The following TMEM178B variants were observed in gnomAD, a reference collection of about 807,000 sequenced individuals.
The protein encoded by TMEM178B is transmembrane protein 178B.
In TMEM178B, 5 loss-of-function variants were observed where a neutral mutation model predicts 31.0. The observed-to-expected ratio is 0.16, with a 90% CI of 0.08 to 0.34. The LOEUF (loss-of-function observed/expected upper bound fraction) is 0.34. TMEM178B is among the 10% of genes least tolerant of loss of function. The pLI, the probability that TMEM178B is intolerant of heterozygous loss-of-function variation, is 1.00. For missense variants in TMEM178B, 275 were observed against 400.3 expected (o/e 0.69, Z 2.67); for synonymous variants, 164 against 164.0 (o/e 1.00, Z 0.00).
At chr7:141,500,371 A>C in the TMEM178B span, among the ~76,000 whole-genome samples, 1 of 152,188 alleles carries the variant, frequency 6.6e-6, no homozygotes, top group African/African-American at 2.4e-5. Flanking sequence ...TTTGATTGAG[A>C]GGCTCAGGAA....
intron 2 of TMEM178B, among the ~76,000 whole-genome samples, chr7:141,436,798 A>G (rs1209471326): frequency 6.6e-6 from 1 of 152,120 alleles, no homozygotes; most frequent in African/African-American, 2.4e-5. Flanking sequence ...CCTTCTGCTA[A>G]AAATACTGCC....
the TMEM178B span, among the ~76,000 whole-genome samples, chr7:141,504,067 G>T: frequency 6.6e-6 from 1 of 152,160 alleles, no homozygotes; most frequent in Non-Finnish European, 1.5e-5. Flanking sequence ...ATTGACTGGA[G>T]CCTCTGATTA....
At chr7:141,366,292 C>T (rs1800003287) in intron 2 of TMEM178B, among the ~76,000 whole-genome samples, 1 of 152,214 alleles carries the variant, frequency 6.6e-6, no homozygotes, top group African/African-American at 2.4e-5. Context: ...CTCCTGAAAG[C>T]ATGTCTGTGA....
In TMEM178B at chr7:141,413,498, A is replaced by G. The variant is rs575670556; in HGVS notation, c.497-24110A>G. On this transcript the variant is annotated intron_variant, in intron 2 of 3. Coordinates refer to ENST00000565468, the MANE Select transcript of TMEM178B (RefSeq NM_001195278.2). ...TGCGTATTGTCAATCATGGACAGAG[A>G]TGTTAAAGAAAAAGTGCTCTGTTCT... 2.0e-4 allele frequency among the ~76,000 whole-genome samples: 30 copies of G among 152,336 alleles called. No individual in the cohort carries two copies. The East Asian group carries it at 3.7e-3, about 19-fold the overall frequency.
intron 2 of TMEM178B, among the ~76,000 whole-genome samples, chr7:141,381,338 T>C (rs1800311226): frequency 6.6e-6 from 1 of 152,228 alleles, no homozygotes; most frequent in South Asian, 2.1e-4. Context: ...AATAAAGATG[T>C]AGACTCTTTC....
At chr7:141,496,669 C>CAAAAAAAAAAAAA in the TMEM178B span, among the ~76,000 whole-genome samples, 14 of 33,252 alleles carry the variant, frequency 4.2e-4, no homozygotes, top group African/African-American at 1.5e-3. Context: ...GACTCCGTCT[C>CAAAAAAAAAAAAA]AAAAAAAAAA....
chr7:141,145,709 GTAGA>G (rs1257247081), intron 1 of TMEM178B, among the ~76,000 whole-genome samples: 1 of 152,208 alleles, frequency 6.6e-6, no homozygotes, highest in African/African-American at 2.4e-5. Flanking sequence ...TAGATCTGAA[GTAGA>G]TAGTTTTAGG....
At chr7:141,098,974 A>C (rs1795008879) in intron 1 of TMEM178B, among the ~76,000 whole-genome samples, 1 of 152,144 alleles carries the variant, frequency 6.6e-6, no homozygotes, top group African/African-American at 2.4e-5. Context: ...AACCCAAAAC[A>C]AAACAAACAA....
At chr7:141,381,437 C>A (rs1316035304) in intron 2 of TMEM178B, among the ~76,000 whole-genome samples, 1 of 152,160 alleles carries the variant, frequency 6.6e-6, no homozygotes, top group Non-Finnish European at 1.5e-5. Context: ...GAAATTTGTC[C>A]TTCCTTAGAA....
At chr7:141,502,006 TGA>T in the TMEM178B span, among the ~76,000 whole-genome samples, 2 of 152,166 alleles carry the variant, frequency 1.3e-5, no homozygotes, top group Non-Finnish European at 2.9e-5. Flanking sequence ...CCTTCAAAGC[TGA>T]GAGAAGATGA....
At chr7:141,500,136 G>A in the TMEM178B span, among the ~76,000 whole-genome samples, 46 of 152,132 alleles carry the variant, frequency 3.0e-4, no homozygotes, top group Admixed American at 2.6e-3. Flanking sequence ...TTTTTAAATG[G>A]GAGTTTCTTG....
At chr7:141,500,794 G>C in the TMEM178B span, among the ~76,000 whole-genome samples, 8 of 152,134 alleles carry the variant, frequency 5.3e-5, no homozygotes, top group Non-Finnish European at 1.2e-4. Context: ...CCTCAACCCA[G>C]AGCAGGTGGC....
At chr7:141,240,252 T>C (rs1376860778) in intron 2 of TMEM178B, among the ~76,000 whole-genome samples, 1 of 152,176 alleles carries the variant, frequency 6.6e-6, no homozygotes, top group Non-Finnish European at 1.5e-5. Context: ...AGGTTTTTAA[T>C]TGGAGGAGGT....
chr7:141,443,495 T>G (rs1801698086), intron 3 of TMEM178B, among the ~76,000 whole-genome samples: 1 of 152,208 alleles, frequency 6.6e-6, no homozygotes, highest in African/African-American at 2.4e-5. Flanking sequence ...AGAATGCTCT[T>G]CTATTGAAAC....
At chr7:141,446,597 G>A (rs1188409709) in intron 3 of TMEM178B, among the ~76,000 whole-genome samples, 1 of 152,188 alleles carries the variant, frequency 6.6e-6, no homozygotes, top group East Asian at 1.9e-4. Flanking sequence ...TCCTAGTTAA[G>A]TGGAATCACC....
At chr7:141,213,423 C>G (rs377003643) in intron 2 of TMEM178B, among the ~76,000 whole-genome samples, 66 of 152,320 alleles carry the variant, frequency 4.3e-4, no homozygotes, top group African/African-American at 1.5e-3. Context: ...CAGGAGAGCT[C>G]TGCTTCCTGC....
At chr7:141,448,741 G>A (rs1801807039) in intron 3 of TMEM178B, among the ~76,000 whole-genome samples, 1 of 152,246 alleles carries the variant, frequency 6.6e-6, no homozygotes, top group East Asian at 1.9e-4. Context: ...CAGCCATGCT[G>A]GACATGTCCA....
intron 2 of TMEM178B, among the ~76,000 whole-genome samples, chr7:141,259,151 CT>C (rs1184018915): frequency 6.6e-6 from 1 of 152,068 alleles, no homozygotes; most frequent in Admixed American, 6.6e-5. Flanking sequence ...TGTATTTATT[CT>C]TTCTGGTCTT....
chr7:141,437,870 C>A (rs1295983185), intron 3 of TMEM178B, 125 bp downstream of exon 3: 2 of 1,332,050 alleles, frequency 1.5e-6, no homozygotes, highest in African/African-American at 1.5e-5. Flanking sequence ...ATTCACTCAT[C>A]CATTGGTTCA....
Sources: gnomAD v4.1 joint callset for allele counts (sites outside exome capture counted in the v4.1 genomes callset) on GRCh38, gnomAD v4.1.1 for gene constraint, MANE v1.5 for transcripts, NCBI Gene and HGNC (gene_info 2026-07-23, HGNC 2026-07-21) for gene names.